Variants in ZBTB25 observed in about 807,000 individuals in gnomAD.
ZBTB25 encodes the protein zinc finger and BTB domain containing 25, also known as zinc finger and BTB domain-containing protein 25.
In ZBTB25, 20 loss-of-function variants were observed where a neutral mutation model predicts 34.2. The observed-to-expected ratio is 0.58, with a 90% CI of 0.41 to 0.85. The LOEUF is 0.85. Ranked by LOEUF, ZBTB25 falls within the 40% of genes least tolerant of loss-of-function variation. The probability of loss-of-function intolerance (pLI) is 0.00; values close to 1 mark genes in which losing one functional copy is unlikely to be tolerated. For missense variants in ZBTB25, 437 were observed against 521.8 expected (o/e 0.84, Z 1.58); for synonymous variants, 175 against 186.4 (o/e 0.94, Z 0.50).
At chr14:64,453,353 C>T (rs1295928871) in intron 2 of ZBTB25, among the ~76,000 whole-genome samples, 1 of 152,032 alleles carries the variant, frequency 6.6e-6, no homozygotes, top group African/African-American at 2.4e-5. Context: ...TGGCAGATCA[C>T]CTGAGGTTGG....
At chr14:64,498,758 C>T (rs1009144176) in intron 1 of ZBTB25, among the ~76,000 whole-genome samples, 12 of 152,100 alleles carry the variant, frequency 7.9e-5, no homozygotes, top group East Asian at 7.7e-4. Flanking sequence ...CTCAGCCTCC[C>T]GAGTAGCTGG....
intron 1 of ZBTB25, among the ~76,000 whole-genome samples, chr14:64,495,210 G>A (rs1481892291): frequency 1.3e-5 from 2 of 152,192 alleles, no homozygotes; most frequent in African/African-American, 2.4e-5. Flanking sequence ...CTTCCAAAGA[G>A]TGTTTGTGTT....
At chr14:64,465,467 G>T (rs1175191116) in intron 2 of ZBTB25, 2 of 151,828 alleles carry the variant, frequency 1.3e-5, no homozygotes, top group Non-Finnish European at 2.9e-5. Flanking sequence ...TCCCCGCGCG[G>T]TGGGGAGGGG....
In ZBTB25 at chr14:64,484,529, A is replaced by C. The variant is rs895788353; in HGVS notation, c.*2394T>G. ...AAACCCTGTCTCTGCTAAAAACACA[A>C]AATTAGCTGGGTATGGTGGTGCATG... On this transcript the variant is annotated 3_prime_UTR_variant, in exon 3 of 3. Coordinates refer to ENST00000608382, the MANE Select transcript of ZBTB25 (RefSeq NM_006977.5). The C allele has an allele frequency of 2.6e-5, 4 of 152,204 alleles. No individual in the cohort carries two copies. Among genetic ancestry groups the C allele is most frequent in the African/African-American group, 9.7e-5 (4 of 41,424 alleles). 9.4% of individuals were successfully genotyped at this position (152,204 alleles called of 1,614,324 possible).
At chr14:64,492,904 A>G (rs894350577) in intron 1 of ZBTB25, among the ~76,000 whole-genome samples, 1 of 152,136 alleles carries the variant, frequency 6.6e-6, no homozygotes, top group African/African-American at 2.4e-5. Context: ...AAGATAAAAC[A>G]TCAAACCATA....
chr14:64,455,101 C>T (rs2078447769), intron 2 of ZBTB25: 2 of 539,466 alleles, frequency 3.7e-6, no homozygotes, highest in Admixed American at 3.1e-5. Context: ...CAGGACTACT[C>T]ATACTGAATA....
Position 64,487,070 on chromosome 14 carries a change from T to C in ZBTB25, c.1161A>G (p.Ala387=), listed in dbSNP as rs77637496. 2,856 of 1,614,208 alleles carry C rather than the reference T, an allele frequency of 1.8e-3. 47 individuals carry two copies. In the African/African-American group the frequency reaches 0.035, roughly 20 times the overall value. The change falls in exon 3 of 3, where the codon GCA becomes GCG. Residue 387 remains alanine, a synonymous_variant. Transcript: ENST00000608382. ...RYNRCQRFGN[A]LAQRFQPYCD... is the part of the protein sequence containing the mutation. Reference sequence around the variant, plus strand: ...AGTATGGCTGAAATCTCTGGGCCAATGCATTACCAAACCTTTGGCATCGGT... The same window carrying C: ...AGTATGGCTGAAATCTCTGGGCCAACGCATTACCAAACCTTTGGCATCGGT...
rs763049075 is a variant in ZBTB25, at chr14:64,486,946, C to T, written c.1285G>A (p.Val429Met). The T allele has an allele frequency of 5.6e-6, 9 of 1,611,058 alleles. No homozygotes were observed. The highest frequency in any genetic ancestry group is 1.6e-4 in the Middle Eastern group (1 of 6,074). ...TGCTACTCAACTAGGATAGTATCCA[C>T]ATTTTCTTGTGTGAGCTCTGACTCT... ...ALESELTQENVDTILVE is the reference protein window; with the variant it reads ...ALESELTQENMDTILVE Residue 429 changes from valine to methionine, a missense_variant, in exon 3 of 3, where the codon GTG becomes ATG. Coordinates refer to ENST00000608382, the MANE Select transcript of ZBTB25 (RefSeq NM_006977.5).
chr14:64,453,808 G>T, intron 2 of ZBTB25: 2 of 1,613,386 alleles, frequency 1.2e-6, no homozygotes, highest in South Asian at 1.1e-5. Context: ...TGGAGCAGAT[G>T]ACATTGAATT....
At chr14:64,456,868 T>C (rs919667871) in intron 2 of ZBTB25, among the ~76,000 whole-genome samples, 3 of 152,262 alleles carry the variant, frequency 2.0e-5, no homozygotes, top group Admixed American at 2.0e-4. Context: ...ATAACCTTTT[T>C]ATAGTTAAGT....
intron 1 of ZBTB25, among the ~76,000 whole-genome samples, chr14:64,497,475 G>A (rs79151617): frequency 6.6e-6 from 1 of 152,252 alleles, no homozygotes; most frequent in East Asian, 1.9e-4. Flanking sequence ...TAAGATGTGA[G>A]AGAAATTATG....
chr14:64,499,457 T>A (rs2140022060), intron 1 of ZBTB25: 1 of 151,994 alleles, frequency 6.6e-6, no homozygotes, highest in South Asian at 2.1e-4. Flanking sequence ...TCCCGGCTAC[T>A]CGGGAGGCTG....
intron 2 of ZBTB25, chr14:64,463,067 T>C (rs1002946724): frequency 1.3e-5 from 2 of 152,158 alleles, no homozygotes; most frequent in African/African-American, 4.8e-5. Context: ...CTCATCAGAT[T>C]GCAGAAATAC....
At chr14:64,489,013 G>A (rs752089203) in intron 2 of ZBTB25, among the ~76,000 whole-genome samples, 9 of 152,180 alleles carry the variant, frequency 5.9e-5, no homozygotes, top group Middle Eastern at 3.2e-3. Context: ...TTGGGAGGCC[G>A]AGGCAGGTGG....
At position 64,486,578 on chromosome 14, in the gene ZBTB25, T is replaced by C. The variant is rs1388932343; in HGVS notation, c.*345A>G. The C allele has an allele frequency of 2.1e-6, 2 of 935,854 alleles. No individual in the cohort carries two copies. The highest frequency in any genetic ancestry group is 3.5e-5 in the African/African-American group (2 of 57,090). 58.0% of individuals were successfully genotyped at this position (935,854 alleles called of 1,614,324 possible). ...AGTTTAGAATATGCTTTAAAACAGA[T>C]TTCATTTACTTTATATTCAATTTGA... On this transcript the variant is annotated 3_prime_UTR_variant, in exon 3 of 3. Transcript: ENST00000608382.
chr14:64,458,238 A>C, intron 2 of ZBTB25: 5 of 1,613,014 alleles, frequency 3.1e-6, no homozygotes, highest in Non-Finnish European at 4.2e-6. Flanking sequence ...TGGACTCCCC[A>C]CCCGGCCCTG....
intron 1 of ZBTB25, among the ~76,000 whole-genome samples, chr14:64,496,656 G>C (rs1256207198): frequency 6.6e-6 from 1 of 152,168 alleles, no homozygotes; most frequent in African/African-American, 2.4e-5. Flanking sequence ...AAACAAGTGA[G>C]AAGGGTGATA....
At chr14:64,454,718 C>T in intron 2 of ZBTB25, 1 of 1,612,826 alleles carries the variant, frequency 6.2e-7, no homozygotes, top group East Asian at 2.2e-5. Flanking sequence ...CCCTTCTTTC[C>T]CCAGGGCTTT....
chr14:64,473,997 C>T (rs1285107828), downstream of ZBTB25: 2 of 166,948 alleles, frequency 1.2e-5, no homozygotes, highest in Non-Finnish European at 2.9e-5. Flanking sequence ...CAATTTGATT[C>T]AACACACGTA....
Sources: allele counts gnomAD v4.1 joint callset (sites outside exome capture counted in the v4.1 genomes callset), GRCh38; gene constraint gnomAD v4.1.1; transcripts MANE v1.5; gene names NCBI Gene and HGNC (gene_info 2026-07-23, HGNC 2026-07-21).